The following FHIP1A variants were observed in gnomAD, a reference collection of about 807,000 sequenced individuals.
FHIP1A encodes the protein FHF complex subunit HOOK interacting protein 1A, also known as FHF complex subunit HOOK-interacting protein 1A.
In FHIP1A, 61 loss-of-function variants were observed where a neutral mutation model predicts 88.6. The observed-to-expected ratio is 0.69, with a 90% CI of 0.56 to 0.85. FHIP1A has a LOEUF of 0.85. FHIP1A is among the 40% of genes least tolerant of loss of function. FHIP1A has a pLI of 0.00. For synonymous variants in FHIP1A, 478 were observed against 496.0 expected, an observed-to-expected ratio of 0.96 and a Z score of 0.48; for missense variants, 1,154 against 1,273.5, an observed-to-expected ratio of 0.91 and a Z score of 1.43.
chr4:151,545,964 G>T (rs1006366413), intron 3 of FHIP1A, among the ~76,000 whole-genome samples: 2 of 152,110 alleles, frequency 1.3e-5, no homozygotes, highest in African/African-American at 4.8e-5. Flanking sequence ...AACTTGACTG[G>T]ATTAAGAGAT....
At chr4:151,571,621 C>T (rs1451322564) in intron 4 of FHIP1A, among the ~76,000 whole-genome samples, 1 of 152,136 alleles carries the variant, frequency 6.6e-6, no homozygotes, top group Non-Finnish European at 1.5e-5. Flanking sequence ...AGTCTCATTC[C>T]CTTGCTCTGC....
intron 3 of FHIP1A, among the ~76,000 whole-genome samples, chr4:151,530,566 G>T (rs576522939): frequency 6.6e-6 from 1 of 152,268 alleles, no homozygotes; most frequent in South Asian, 2.1e-4. Context: ...AATTCTGTTT[G>T]GGCTTCTCTA....
chr4:151,535,269 A>G (rs1732026403), intron 3 of FHIP1A, among the ~76,000 whole-genome samples: 2 of 152,196 alleles, frequency 1.3e-5, no homozygotes, highest in Non-Finnish European at 2.9e-5. Flanking sequence ...CTGAAAACCT[A>G]AAAGCAAACT....
chr4:151,434,136 G>A (rs1450697137), intron 1 of FHIP1A, among the ~76,000 whole-genome samples: 2 of 152,164 alleles, frequency 1.3e-5, no homozygotes, highest in African/African-American at 4.8e-5. Flanking sequence ...TGTAGTTACT[G>A]TGTAAGACTT....
intron 4 of FHIP1A, among the ~76,000 whole-genome samples, chr4:151,574,653 C>T (rs566745066): frequency 3.4e-4 from 51 of 152,106 alleles, no homozygotes; most frequent in African/African-American, 1.2e-3. Flanking sequence ...TACATGATTA[C>T]TTTGTCTACC....
intron 3 of FHIP1A, among the ~76,000 whole-genome samples, chr4:151,561,460 A>C (rs926254728): frequency 2.8e-5 from 4 of 142,424 alleles, no homozygotes; most frequent in Non-Finnish European, 5.9e-5. Context: ...ATTTAGGTTT[A>C]ATAGGATTTT....
intron 13 of FHIP1A, 108 bp from the exon 14 acceptor site, chr4:151,662,393 A>G (rs1279264230): frequency 8.1e-7 from 1 of 1,233,508 alleles, no homozygotes. Context: ...AACTGCACTC[A>G]TAACTAGATA....
chr4:151,656,691 A>C lies in FHIP1A; in HGVS notation c.2731-69A>C. 2.7e-6 allele frequency: 4 copies of C among 1,477,026 alleles called. No individual in the cohort carries two copies. Among genetic ancestry groups the C allele is most frequent in the Non-Finnish European group, 3.7e-6 (4 of 1,094,032 alleles). 91.5% of individuals were successfully genotyped at this position (1,477,026 alleles called of 1,614,324 possible). On this transcript the variant is annotated intron_variant, in intron 12 of 13. Coordinates refer to ENST00000435205, the MANE Select transcript of FHIP1A (RefSeq NM_001109977.3). This position sits in a 1 kb window ranked among gnomAD's most constrained non-coding sequence, Gnocchi z 4.2. ...TCCCATAATGAGGGTGCTACCTGCA[A>C]GATATATTGATAACTGGGAGTGGAA... is the stretch of plus-strand genomic sequence containing the variant.
At chr4:151,474,455 T>C (rs768542722) in intron 2 of FHIP1A, among the ~76,000 whole-genome samples, 6 of 152,184 alleles carry the variant, frequency 3.9e-5, no homozygotes, top group Non-Finnish European at 8.8e-5. Context: ...GAAATGGAGA[T>C]TTGTGAAATT....
chr4:151,445,851 T>A (rs960448721), intron 1 of FHIP1A, among the ~76,000 whole-genome samples: 2 of 127,670 alleles, frequency 1.6e-5, no homozygotes, highest in South Asian at 2.3e-4. Context: ...TCTCTTAAAA[T>A]ATATATATAT....
At chr4:151,565,966 G>A (rs1733369687) in intron 3 of FHIP1A, among the ~76,000 whole-genome samples, 172 bp from the exon 4 acceptor site, 2 of 152,074 alleles carry the variant, frequency 1.3e-5, no homozygotes, top group South Asian at 4.2e-4. Context: ...ATTTTTAGTA[G>A]CAAAGTAGGA....
intron 4 of FHIP1A, among the ~76,000 whole-genome samples, chr4:151,573,907 A>C (rs1733689421): frequency 6.6e-6 from 1 of 152,208 alleles, no homozygotes; most frequent in Admixed American, 6.5e-5. Context: ...GAACTATGAC[A>C]CTATTGGAGT....
intron 3 of FHIP1A, among the ~76,000 whole-genome samples, chr4:151,517,201 A>G (rs1292610826): frequency 2.0e-5 from 3 of 152,062 alleles, no homozygotes; most frequent in Non-Finnish European, 2.9e-5. Context: ...CTATCGCAAG[A>G]ACAAAAAACC....
intron 3 of FHIP1A, among the ~76,000 whole-genome samples, chr4:151,485,089 C>A (rs1730029886): frequency 6.6e-6 from 1 of 152,168 alleles, no homozygotes; most frequent in African/African-American, 2.4e-5. Flanking sequence ...AATAATCAAA[C>A]CACCTACATA....
At chr4:151,561,780 A>G (rs1323664433) in intron 3 of FHIP1A, among the ~76,000 whole-genome samples, 1 of 152,194 alleles carries the variant, frequency 6.6e-6, no homozygotes, top group Non-Finnish European at 1.5e-5. Flanking sequence ...TCATGGAATT[A>G]TATTTACTGT....
intron 3 of FHIP1A, among the ~76,000 whole-genome samples, chr4:151,511,011 C>G (rs1731008729): frequency 6.6e-6 from 1 of 152,098 alleles, no homozygotes; most frequent in Admixed American, 6.6e-5. Context: ...TATACAATTG[C>G]AAAACAATAT....
chr4:151,665,176 C>G lies in FHIP1A; in HGVS notation c.*2422C>G, dbSNP rs1044325524. 6.6e-6 allele frequency among the ~76,000 whole-genome samples: 1 copy of G among 152,030 alleles called. No homozygotes were observed. Among genetic ancestry groups the G allele is most frequent in the African/African-American group, 2.4e-5 (1 of 41,378 alleles). Reference sequence around the variant, plus strand: ...ATAGTTTGTAGAGATGGGGTTTCACCTTGTTGCCCAGGCTGGTCTTAAAGT... The same window carrying G: ...ATAGTTTGTAGAGATGGGGTTTCACGTTGTTGCCCAGGCTGGTCTTAAAGT... On this transcript the variant is annotated 3_prime_UTR_variant, in exon 14 of 14. Coordinates refer to ENST00000435205, the MANE Select transcript of FHIP1A (RefSeq NM_001109977.3).
At chr4:151,602,089 G>A (rs1209586153) in intron 7 of FHIP1A, among the ~76,000 whole-genome samples, 1 of 152,048 alleles carries the variant, frequency 6.6e-6, no homozygotes, top group Admixed American at 6.6e-5. Context: ...CTCCCACTGT[G>A]TCCTTCCCAC....
chr4:151,481,526 A>G (rs1729895121), intron 2 of FHIP1A, among the ~76,000 whole-genome samples: 1 of 151,922 alleles, frequency 6.6e-6, no homozygotes. Flanking sequence ...TTAGAACCCT[A>G]AGAGAGGCTT....
Sources: allele counts gnomAD v4.1 joint callset (sites outside exome capture counted in the v4.1 genomes callset), GRCh38; gene constraint gnomAD v4.1.1; non-coding constraint Gnocchi (gnomAD v3.1); transcripts MANE v1.5; gene names NCBI Gene and HGNC (gene_info 2026-07-23, HGNC 2026-07-21).